LYSMD3: variants seen among roughly 807,000 people sequenced by gnomAD.
LYSMD3 encodes the protein LysM domain containing 3.
A neutral mutation model predicts 26.1 loss-of-function variants in LYSMD3; 13 were observed. The ratio of observed to expected loss-of-function variants is 0.50; its 90% CI spans 0.32 to 0.79. The LOEUF is 0.79. Ranked by LOEUF, LYSMD3 falls within the 30% of genes least tolerant of loss-of-function variation. The pLI, the probability that LYSMD3 is intolerant of heterozygous loss-of-function variation, is 0.03. For missense variants in LYSMD3, 331 were observed against 362.5 expected, an observed-to-expected ratio of 0.91 and a Z score of 0.71; for synonymous variants, 109 against 119.4, an observed-to-expected ratio of 0.91 and a Z score of 0.57.
chr5:90,528,615 G>C (rs1753281859), intron 1 of LYSMD3, among the ~76,000 whole-genome samples: 1 of 152,190 alleles, frequency 6.6e-6, no homozygotes, highest in Non-Finnish European at 1.5e-5. Context: ...GAAGTGAACA[G>C]ACTGACCCAG....
intron 2 of LYSMD3, 49 bp from the exon 3 acceptor site, chr5:90,519,533 A>G: frequency 6.6e-7 from 1 of 1,513,308 alleles, no homozygotes; most frequent in Non-Finnish European, 8.9e-7. Flanking sequence ...CAATCAAAAT[A>G]AAGGCAGCAA....
rs755897955 is a variant in LYSMD3 at position 90,519,020 on chromosome 5, A to G, written c.720T>C (p.Tyr240=). ...TAACATCCACCTTAGCTAAAATTTC[A>G]TAATACAACAAATAAAACACTGGTG... is the stretch of plus-strand genomic sequence containing the variant. ...IITPVFYLLY[Y]EILAKVDVSH... is the part of the protein sequence containing the mutation. Residue 240 remains tyrosine, a synonymous_variant, in exon 3 of 3, where the codon TAT becomes TAC. Transcript: ENST00000315948. 14 of 1,614,016 alleles carry G rather than the reference A, an allele frequency of 8.7e-6. No individual in the cohort carries two copies. Among genetic ancestry groups the G allele is most frequent in the Non-Finnish European group, 1.2e-5 (14 of 1,179,986 alleles).
chr5:90,524,984 G>A, intron 2 of LYSMD3, 51 bp downstream of exon 2: 1 of 1,395,582 alleles, frequency 7.2e-7, no homozygotes, highest in African/African-American at 1.4e-5. Flanking sequence ...ATTTCAGTGT[G>A]CGTAAACAAA....
chr5:90,521,669 A>G (rs1753092368), intron 2 of LYSMD3, among the ~76,000 whole-genome samples: 1 of 151,904 alleles, frequency 6.6e-6, no homozygotes, highest in Non-Finnish European at 1.5e-5. Flanking sequence ...GTGTACTCTT[A>G]CTAATAACTA....
At position 90,519,358 on chromosome 5, in the gene LYSMD3, G is replaced by C; in HGVS notation, c.382C>G (p.Gln128Glu). ...TGAACAGATGAATGACGTGAAGTCT[G>C]TCTTCCTTTTGGAGGACAAAGTGTT... is the stretch of plus-strand genomic sequence containing the variant. ...TETLCPPKGR[Q>E]TSRHSSVQYS... Residue 128 changes from glutamine to glutamate, a missense_variant, in exon 3 of 3, where the codon CAG becomes GAG. Physicochemically the swap from Gln to Glu is conservative, Grantham distance 29 (BLOSUM62 2). Around this residue, in one of 3 missense-constraint regions of LYSMD3, gnomAD observed 262 missense variants for 267.3 expected, o/e 0.98. Transcript: ENST00000315948. The C allele has an allele frequency of 1.2e-6, 2 of 1,614,084 alleles. No homozygotes were observed. Among genetic ancestry groups the C allele is most frequent in the Non-Finnish European group, 1.7e-6 (2 of 1,179,994 alleles).
At chr5:90,525,524 A>C (rs1216291270) in intron 1 of LYSMD3, among the ~76,000 whole-genome samples, 1 of 152,154 alleles carries the variant, frequency 6.6e-6, no homozygotes, top group Non-Finnish European at 1.5e-5. Flanking sequence ...ATCTCAGCTC[A>C]CTGCAACCTT....
At chr5:90,522,680 A>T (rs1754048826) in intron 2 of LYSMD3, among the ~76,000 whole-genome samples, 1 of 152,190 alleles carries the variant, frequency 6.6e-6, no homozygotes, top group African/African-American at 2.4e-5. Flanking sequence ...AAACTTTTCC[A>T]TTCTGTATCA....
chr5:90,519,206 C>T lies in LYSMD3; in HGVS notation c.534G>A (p.Lys178=), dbSNP rs1036416525. 6.2e-7 allele frequency: 1 copy of T among 1,613,976 alleles called. No individual in the cohort carries two copies. The highest frequency in any genetic ancestry group is 1.7e-5 in the Admixed American group (1 of 60,004). ...IEQIVKCTDN[K]RENLNEVVSA... ...ATACTACCTCATTGAGGTTCTCTCT[C>T]TTATTGTCTGTACACTTTACTATTT... is the stretch of plus-strand genomic sequence containing the variant. Residue 178 remains lysine, a synonymous_variant, in exon 3 of 3, where the codon AAG becomes AAA. Transcript: ENST00000315948.
At chr5:90,525,984 G>A (rs1217339755) in intron 1 of LYSMD3, among the ~76,000 whole-genome samples, 1 of 152,074 alleles carries the variant, frequency 6.6e-6, no homozygotes, top group Non-Finnish European at 1.5e-5. Context: ...CTTATTCTGA[G>A]TATGTGAAGA....
chr5:90,523,637 T>C (rs2038066836), intron 2 of LYSMD3, among the ~76,000 whole-genome samples: 1 of 152,052 alleles, frequency 6.6e-6, no homozygotes, highest in South Asian at 2.1e-4. Flanking sequence ...AAATACAAAT[T>C]TCAGGTAGCA....
chr5:90,526,418 C>G (rs1753224498), intron 1 of LYSMD3, among the ~76,000 whole-genome samples: 1 of 152,180 alleles, frequency 6.6e-6, no homozygotes, highest in Non-Finnish European at 1.5e-5. Flanking sequence ...TCAATGAATA[C>G]TTTTTGTTTA....
intron 1 of LYSMD3, 123 bp downstream of exon 1, chr5:90,529,325 G>C (rs1345358589): frequency 6.7e-6 from 3 of 448,098 alleles, no homozygotes; most frequent in Non-Finnish European, 1.3e-5. Flanking sequence ...CACGGGCCGA[G>C]CCCGGCCCTG....
chr5:90,526,037 T>G (rs1350090929), intron 1 of LYSMD3, among the ~76,000 whole-genome samples: 1 of 152,246 alleles, frequency 6.6e-6, no homozygotes, highest in Non-Finnish European at 1.5e-5. Flanking sequence ...AACTTGTGAC[T>G]ATATAACTTA....
intron 2 of LYSMD3, among the ~76,000 whole-genome samples, chr5:90,520,199 G>T (rs571132883): frequency 6.6e-6 from 1 of 152,068 alleles, no homozygotes; most frequent in African/African-American, 2.4e-5. Flanking sequence ...CAACCTGTTT[G>T]TATTATCCCA....
rs1454845419 is a variant in LYSMD3, at chr5:90,518,435, A to C, written c.*384T>G. On this transcript the variant is annotated 3_prime_UTR_variant, in exon 3 of 3. Transcript: ENST00000315948. ...AATATTTTGGGGGTTCATAGTAGTA[A>C]ATTTTTTTCAGCTGCAGACATCTGA... 1 of 162,478 alleles carries C rather than the reference A, an allele frequency of 6.2e-6. No homozygotes were observed. The highest frequency in any genetic ancestry group is 1.3e-5 in the Non-Finnish European group (1 of 75,244). 10.1% of individuals were successfully genotyped at this position (162,478 alleles called of 1,614,324 possible). A position where few individuals can be genotyped will look rare whatever the true frequency, so the allele number is the denominator to read the frequency against.
chr5:90,521,483 T>A (rs970684566), intron 2 of LYSMD3, among the ~76,000 whole-genome samples: 1 of 151,920 alleles, frequency 6.6e-6, no homozygotes, highest in Non-Finnish European at 1.5e-5. Flanking sequence ...TTGCAATGTA[T>A]GTGTGGGGGG....
intron 2 of LYSMD3, among the ~76,000 whole-genome samples, chr5:90,522,158 C>G (rs1336654805): frequency 6.6e-6 from 1 of 152,048 alleles, no homozygotes; most frequent in Non-Finnish European, 1.5e-5. Context: ...CTTGTGAGAT[C>G]TGATTGTTTA....
rs1474252034 is a variant in LYSMD3, at chr5:90,517,928, G to C, written c.*891C>G. 2.0e-5 allele frequency: 3 copies of C among 152,470 alleles called. No homozygotes were observed. Among genetic ancestry groups the C allele is most frequent in the Non-Finnish European group, 4.4e-5 (3 of 67,932 alleles). The allele number at this position is 152,470 out of a possible 1,614,324, so 9.4% of individuals were successfully genotyped here. A position where few individuals can be genotyped will look rare whatever the true frequency, so the allele number is the denominator to read the frequency against. The stretch of plus-strand genomic sequence containing the variant: ...AACTTGGATTTACTTACATAAAGCA[G>C]TAAGGCATTAAATGTAATTAAGGCA... On this transcript the variant is annotated 3_prime_UTR_variant, in exon 3 of 3. Transcript: ENST00000315948.
At chr5:90,524,828 G>A (rs1753178388) in intron 2 of LYSMD3, among the ~76,000 whole-genome samples, 1 of 152,072 alleles carries the variant, frequency 6.6e-6, no homozygotes, top group Non-Finnish European at 1.5e-5. Flanking sequence ...TCCTGACCTC[G>A]TGATCCACCC....
Sources: gnomAD v4.1 joint callset for allele counts (sites outside exome capture counted in the v4.1 genomes callset) on GRCh38, gnomAD v4.1.1 for gene constraint, gnomAD v4.1.1 regional missense constraint, MANE v1.5 for transcripts, NCBI Gene and HGNC (gene_info 2026-07-23, HGNC 2026-07-21) for gene names.